The following ACACA variants were observed in gnomAD, a reference collection of about 807,000 sequenced individuals.
The protein encoded by ACACA is acetyl-CoA carboxylase alpha.
Under a neutral mutation model 296.1 loss-of-function variants are expected in ACACA, and 103 were observed. That is an observed-to-expected ratio of 0.35 (90% CI 0.30 to 0.41). The LOEUF (loss-of-function observed/expected upper bound fraction) is 0.41. Ranked by LOEUF, ACACA falls within the 10% of genes least tolerant of loss-of-function variation. The pLI, the probability that ACACA is intolerant of heterozygous loss-of-function variation, is 1.00. For missense variants in ACACA, 1,554 were observed against 2,989.7 expected, an observed-to-expected ratio of 0.52 and a Z score of 11.20; for synonymous variants, 953 against 1,038.6, an observed-to-expected ratio of 0.92 and a Z score of 1.58.
rs769364634 is a variant in ACACA at position 37,245,154 on chromosome 17, G to A, written c.2521C>T (p.Arg841Ter). ...CCAGGGTCAAGAGCTGCTCCAGGTC[G>A]CTTGACGTAATGGATACAGCCAGAC... ...VESGCIHYVKRPGAALDPGCV... is the reference protein window; with the variant it reads ...VESGCIHYVK The change falls in exon 20 of 56, where the codon CGA becomes TGA. Residue 841 changes from arginine (R) to a stop codon, truncating the protein, a stop_gained. Transcript: ENST00000616317. LOFTEE classifies it high-confidence loss of function. 11 of 1,614,060 alleles carry A rather than the reference G, an allele frequency of 6.8e-6. No homozygotes were observed. Among genetic ancestry groups the A allele is most frequent in the East Asian group, 2.2e-5 (1 of 44,878 alleles).
intron 2 of ACACA, among the ~76,000 whole-genome samples, chr17:37,334,550 C>T (rs1413301901): frequency 6.6e-6 from 1 of 152,046 alleles, no homozygotes; most frequent in Non-Finnish European, 1.5e-5. Context: ...CTGGATACTG[C>T]CAAAGGAACT....
intron 48 of ACACA, 156 bp from the exon 49 acceptor site, chr17:37,122,783 C>A (rs2074591471): frequency 1.4e-6 from 1 of 719,136 alleles, no homozygotes; most frequent in South Asian, 1.5e-5. Context: ...ATGTGAGACT[C>A]TACGGATTTG....
At chr17:37,387,998 A>G (rs1045142566) in intron 1 of ACACA, 11 of 152,146 alleles carry the variant, frequency 7.2e-5, no homozygotes, top group African/African-American at 2.7e-4. Context: ...CTCTGTCTGT[A>G]TAAAAAAATT....
chr17:37,300,157 G>A (rs1345418486), intron 3 of ACACA, among the ~76,000 whole-genome samples: 2 of 152,096 alleles, frequency 1.3e-5, no homozygotes, highest in Non-Finnish European at 2.9e-5. Flanking sequence ...ACCCTTAAAA[G>A]GAAAAGAGAC....
At position 37,251,107 on chromosome 17, in the gene ACACA, G is replaced by A. The variant is rs1166487387; in HGVS notation, c.2081+898C>T. Among the ~76,000 whole-genome samples, 4 of 152,028 alleles carry A rather than the reference G, an allele frequency of 2.6e-5. No individual in the cohort carries two copies. The South Asian group carries it at 6.2e-4, about 24-fold the overall frequency. ...GGAGGTGGGTGGGGGGCTTGTAGAG[G>A]AAAATGCATTTGACATATTTGTACA... On this transcript the variant is annotated intron_variant, in intron 16 of 55. Coordinates refer to ENST00000616317, the MANE Select transcript of ACACA (RefSeq NM_198834.3).
chr17:37,284,885 G>T lies in ACACA; in HGVS notation c.424C>A (p.Pro142Thr). 6.2e-7 allele frequency: 1 copy of T among 1,614,150 alleles called. No individual in the cohort carries two copies. Among genetic ancestry groups the T allele is most frequent in the Non-Finnish European group, 8.5e-7 (1 of 1,180,022 alleles). ...CCAAAGCGAGTAACAAATTCTGCTG[G>T]AGAAGCCACAGTGAAATCTCGTTGA... ...DSQRDFTVAS[P>T]AEFVTRFGGN... The change falls in exon 4 of 56, where the codon CCA (proline) becomes ACA (threonine). Residue 142 changes from proline (P) to threonine (T), a missense_variant. Physicochemically the swap from Pro to Thr is conservative, Grantham distance 38 (BLOSUM62 -1). This residue lies in a region of ACACA where 40 missense variants were observed against 92.2 expected (regional missense o/e 0.43). Transcript: ENST00000616317.
At chr17:37,095,111 T>C (rs995297436) in intron 54 of ACACA, among the ~76,000 whole-genome samples, 2 of 152,252 alleles carry the variant, frequency 1.3e-5, no homozygotes, top group Admixed American at 1.3e-4. Flanking sequence ...CTTCTCATCC[T>C]TGTGCCTACT....
At chr17:37,359,401 C>G (rs887142356) in intron 1 of ACACA, among the ~76,000 whole-genome samples, 1 of 150,488 alleles carries the variant, frequency 6.6e-6, no homozygotes, top group Non-Finnish European at 1.5e-5. Flanking sequence ...GGCCCAGCGG[C>G]TAGAGGGCGG....
At chr17:37,104,097 C>A (rs1225900586) in intron 52 of ACACA, among the ~76,000 whole-genome samples, 1 of 152,174 alleles carries the variant, frequency 6.6e-6, no homozygotes, top group Non-Finnish European at 1.5e-5. Flanking sequence ...ACATAAAATA[C>A]ACTAACGATA....
In ACACA at chr17:37,364,305, GAA is replaced by G. The variant is rs1159374274; in HGVS notation, c.39-24457_39-24456del. The stretch of plus-strand genomic sequence containing the variant: ...AAGCAAGACTCCATCTCAAAAAAAA[GAA>G]AAGAGTCCAGCCATGGTGGCTCATG... On this transcript the variant is annotated intron_variant, in intron 1 of 55. Coordinates refer to ENST00000616317, the MANE Select transcript of ACACA (RefSeq NM_198834.3). 9.3e-5 allele frequency among the ~76,000 whole-genome samples: 14 copies of G among 151,212 alleles called. No homozygotes were observed. The East Asian group carries it at 1.6e-3, about 17-fold the overall frequency.
chr17:37,105,742 T>A (rs1194426098), intron 52 of ACACA, among the ~76,000 whole-genome samples: 1 of 151,056 alleles, frequency 6.6e-6, no homozygotes, highest in East Asian at 2.0e-4. Context: ...TGCATGCCTA[T>A]AATCCTAGCT....
At chr17:37,116,319 C>T (rs1303267325) in intron 50 of ACACA, among the ~76,000 whole-genome samples, 4 of 152,124 alleles carry the variant, frequency 2.6e-5, no homozygotes. Flanking sequence ...CTAGGAGAGA[C>T]AGCATGAGAC....
At chr17:37,257,243 G>A (rs1337207727) in intron 14 of ACACA, among the ~76,000 whole-genome samples, 1 of 152,002 alleles carries the variant, frequency 6.6e-6, no homozygotes, top group Admixed American at 6.6e-5. Flanking sequence ...ATAACTATAA[G>A]AGTACATCAT....
chr17:37,349,044 A>G (rs960219896), intron 1 of ACACA, among the ~76,000 whole-genome samples: 3 of 151,316 alleles, frequency 2.0e-5, no homozygotes, highest in Non-Finnish European at 4.4e-5. Flanking sequence ...AGAAAACAAC[A>G]TATTCTTTAT....
intron 1 of ACACA, among the ~76,000 whole-genome samples, chr17:37,348,364 G>A (rs1375794264): frequency 3.3e-5 from 5 of 152,076 alleles, no homozygotes; most frequent in African/African-American, 7.2e-5. Context: ...TGAATAAAAA[G>A]AGACACCAAG....
At chr17:37,274,777 G>T in intron 8 of ACACA, 2 of 444,480 alleles carry the variant, frequency 4.5e-6, no homozygotes, top group South Asian at 9.4e-5. Flanking sequence ...GCCATAAGGG[G>T]AACACTATAG....
intron 29 of ACACA, among the ~76,000 whole-genome samples, chr17:37,219,272 C>G (rs150571928): frequency 5.3e-5 from 8 of 152,168 alleles, no homozygotes; most frequent in Non-Finnish European, 1.2e-4. Context: ...TTGATAAACT[C>G]TGATTCCACA....
intron 52 of ACACA, among the ~76,000 whole-genome samples, chr17:37,101,795 T>C (rs2073375682): frequency 6.6e-6 from 1 of 152,190 alleles, no homozygotes; most frequent in Non-Finnish European, 1.5e-5. Context: ...AAGAGTTGTG[T>C]CTCTTGTTAC....
intron 29 of ACACA, among the ~76,000 whole-genome samples, chr17:37,217,756 A>ACC (rs1555601600): frequency 7.7e-6 from 1 of 130,408 alleles, no homozygotes; most frequent in Non-Finnish European, 1.6e-5. Flanking sequence ...AAAAAAAAAA[A>ACC]AAAAAAAACA....
Sources: allele counts gnomAD v4.1 joint callset (sites outside exome capture counted in the v4.1 genomes callset), GRCh38; gene constraint gnomAD v4.1.1; regional missense constraint gnomAD v4.1.1; transcripts MANE v1.5; gene names NCBI Gene and HGNC (gene_info 2026-07-23, HGNC 2026-07-21).